Variants in PRKN observed in about 807,000 individuals in gnomAD.
The protein encoded by PRKN is parkin RBR E3 ubiquitin protein ligase, also known as E3 ubiquitin-protein ligase parkin.
Under a neutral mutation model 59.5 loss-of-function variants are expected in PRKN, and 56 were observed. The observed-to-expected ratio is 0.94, with a 90% CI of 0.76 to 1.18. PRKN has a LOEUF of 1.18. PRKN is among the 50% of genes most tolerant of loss of function. The pLI, the probability that PRKN is intolerant of heterozygous loss-of-function variation, is 0.00. For synonymous variants in PRKN, 250 were observed against 222.1 expected (o/e 1.13, Z -1.12); for missense variants, 657 against 596.4 (o/e 1.10, Z -1.06).
chr6:161,384,397 G>GC (rs1161031188), intron 10 of PRKN, among the ~76,000 whole-genome samples: 1 of 151,772 alleles, frequency 6.6e-6, no homozygotes, highest in African/African-American at 2.4e-5. Context: ...ACAAAAAGTA[G>GC]CCTGGTGTGG....
Position 161,731,802 on chromosome 6 carries a change from T to C in PRKN, c.871+53970A>G, listed in dbSNP as rs73783369. Among the ~76,000 whole-genome samples, 536 of 152,286 alleles carry C rather than the reference T, an allele frequency of 3.5e-3. 2 individuals are homozygous for C. Among genetic ancestry groups the C allele is most frequent in the African/African-American group, 0.012 (509 of 41,558 alleles). Reference sequence around the variant, plus strand: ...AATATGTCTAAGCAGCAAGCTACAATTAACATGGAAGACAAATTGTGAGCA... The same window carrying C: ...AATATGTCTAAGCAGCAAGCTACAACTAACATGGAAGACAAATTGTGAGCA... On this transcript the variant is annotated intron_variant, in intron 7 of 11. Coordinates refer to ENST00000366898, the MANE Select transcript of PRKN (RefSeq NM_004562.3).
At chr6:161,431,939 A>G (rs1364129657) in intron 9 of PRKN, among the ~76,000 whole-genome samples, 1 of 152,176 alleles carries the variant, frequency 6.6e-6, no homozygotes, top group Non-Finnish European at 1.5e-5. Flanking sequence ...CTATAGCTAT[A>G]TCTACGTTTA....
intron 2 of PRKN, among the ~76,000 whole-genome samples, chr6:162,375,475 T>C (rs1248841327): frequency 6.6e-6 from 1 of 151,892 alleles, no homozygotes; most frequent in African/African-American, 2.4e-5. Context: ...TTAATAAACA[T>C]GTGTCATAGA....
intron 2 of PRKN, among the ~76,000 whole-genome samples, chr6:162,417,054 T>A (rs1788665340): frequency 6.6e-6 from 1 of 152,160 alleles, no homozygotes; most frequent in Non-Finnish European, 1.5e-5. Context: ...ATGTGCATAA[T>A]TTGAATTAAA....
rs1780504383 is a variant in PRKN at position 161,562,743 on chromosome 6, G to A, written c.933+6612C>T. 6.6e-6 allele frequency among the ~76,000 whole-genome samples: 1 copy of A among 151,310 alleles called. No homozygotes were observed. Among genetic ancestry groups the A allele is most frequent in the African/African-American group, 2.4e-5 (1 of 41,354 alleles). On this transcript the variant is annotated intron_variant, in intron 8 of 11. Transcript: ENST00000366898. The surrounding 1 kb of genome is among the most constrained non-coding windows in gnomAD (Gnocchi z 4.3). The stretch of plus-strand genomic sequence containing the variant: ...CCTTCCTTTCCCTGACCCACAGCCA[G>A]TCAGTCACCAAGTCCTTGAATTCTG...
chr6:162,608,788 G>A (rs1782021508), intron 1 of PRKN, among the ~76,000 whole-genome samples: 1 of 152,070 alleles, frequency 6.6e-6, no homozygotes, highest in Non-Finnish European at 1.5e-5. Flanking sequence ...GTTATGGAGT[G>A]GAAGTCTCAG....
intron 3 of PRKN, among the ~76,000 whole-genome samples, chr6:162,242,377 C>T (rs2128092113): frequency 6.6e-6 from 1 of 152,204 alleles, no homozygotes; most frequent in South Asian, 2.1e-4. Context: ...GAAAGTTGCT[C>T]AGTTCATACA....
intron 1 of PRKN, chr6:162,569,539 T>C (rs1583824730): frequency 2.8e-6 from 2 of 714,980 alleles, no homozygotes; most frequent in East Asian, 2.6e-5. Context: ...CCTATGCAGA[T>C]GGTCTGAGCT....
chr6:162,231,267 C>T (rs1778409880), intron 3 of PRKN, among the ~76,000 whole-genome samples: 1 of 152,172 alleles, frequency 6.6e-6, no homozygotes, highest in African/African-American at 2.4e-5. Context: ...ACTAACATTT[C>T]TCAATGTTTA....
chr6:161,975,275 G>A (rs1158431548), intron 5 of PRKN, among the ~76,000 whole-genome samples: 2 of 151,662 alleles, frequency 1.3e-5, no homozygotes, highest in Non-Finnish European at 2.9e-5. Context: ...GTAGAGACGG[G>A]GTTTCACCAT....
intron 9 of PRKN, among the ~76,000 whole-genome samples, chr6:161,387,995 G>A (rs114774743): frequency 0.011 from 1,742 of 152,318 alleles, 28 homozygotes; most frequent in African/African-American, 0.04. Context: ...AGCTGGAAGA[G>A]TGAATGCCAG....
intron 2 of PRKN, among the ~76,000 whole-genome samples, chr6:162,304,736 C>T (rs1365309222): frequency 2.7e-5 from 4 of 150,820 alleles, no homozygotes; most frequent in African/African-American, 9.8e-5. Flanking sequence ...TACTAAATAG[C>T]TAAGAGCAAC....
chr6:161,787,212 A>T lies in PRKN; in HGVS notation c.735-1304T>A, dbSNP rs567305757. ...AAGATAATTTCTTAACACCTAAAAG[A>T]TTTTCAAAATTCTGTTATCCCACTT... On this transcript the variant is annotated intron_variant, in intron 6 of 11. Transcript: ENST00000366898. Among the ~76,000 whole-genome samples the T allele has an allele frequency of 5.9e-5, 9 of 152,318 alleles. No homozygotes were observed. The East Asian group carries it at 1.7e-3, about 29-fold the overall frequency.
In PRKN at chr6:162,472,804, T is replaced by TTA. The variant is rs1290741228; in HGVS notation, c.8-29333_8-29332dup. ...CCGCGCCCGGCCCCAAACTTTTATTTTATATATATATATCTTAGTAGAAGT... is the reference window on the plus strand; with the variant it reads ...CCGCGCCCGGCCCCAAACTTTTATTTTATATATATATATATCTTAGTAGAAGT... On this transcript the variant is annotated intron_variant, in intron 1 of 11. Transcript: ENST00000366898. 2.8e-3 allele frequency among the ~76,000 whole-genome samples: 263 copies of TTA among 94,154 alleles called. 29 individuals are homozygous for TTA. Among genetic ancestry groups the TTA allele is most frequent in the African/African-American group, 8.2e-3 (238 of 28,884 alleles). The allele number at this position is 94,154 out of a possible 152,430, so 61.8% of individuals were successfully genotyped here. A position where few individuals can be genotyped will look rare whatever the true frequency, so the allele number is the denominator to read the frequency against.
At chr6:162,365,819 G>A (rs1256836574) in intron 2 of PRKN, among the ~76,000 whole-genome samples, 1 of 151,984 alleles carries the variant, frequency 6.6e-6, no homozygotes, top group South Asian at 2.1e-4. Context: ...ATTTCTTACT[G>A]TTTACTGTTT....
chr6:162,232,569 C>G (rs1366594015), intron 3 of PRKN, among the ~76,000 whole-genome samples: 1 of 152,166 alleles, frequency 6.6e-6, no homozygotes, highest in African/African-American at 2.4e-5. Flanking sequence ...GGAGCAGCCG[C>G]TTGGTATGAA....
intron 7 of PRKN, among the ~76,000 whole-genome samples, chr6:161,591,659 C>T (rs2128140956): frequency 6.6e-6 from 1 of 152,284 alleles, no homozygotes; most frequent in African/African-American, 2.4e-5. Context: ...AAGGCCAGTT[C>T]TTTATTTTTT....
At chr6:161,802,740 T>C (rs1791142657) in intron 6 of PRKN, among the ~76,000 whole-genome samples, 1 of 152,110 alleles carries the variant, frequency 6.6e-6, no homozygotes, top group Admixed American at 6.5e-5. Context: ...ATCAATCACT[T>C]CCTATAGTAG....
At chr6:161,795,418 G>A (rs538065181) in intron 6 of PRKN, among the ~76,000 whole-genome samples, 4 of 151,632 alleles carry the variant, frequency 2.6e-5, no homozygotes, top group African/African-American at 9.7e-5. Context: ...ATTTTTGGTA[G>A]AGATGGGGTC....
Sources: gnomAD v4.1 joint callset for allele counts (sites outside exome capture counted in the v4.1 genomes callset) on GRCh38, gnomAD v4.1.1 for gene constraint, Gnocchi (gnomAD v3.1) non-coding constraint, MANE v1.5 for transcripts, NCBI Gene and HGNC (gene_info 2026-07-23, HGNC 2026-07-21) for gene names.